ZCWPW2: variants seen among roughly 807,000 people sequenced by gnomAD.
ZCWPW2 encodes the protein zinc finger CW-type and PWWP domain containing 2.
ZCWPW2 carries 45 observed loss-of-function variants against 46.6 expected under a neutral mutation model. The ratio of observed to expected loss-of-function variants is 0.96; its 90% CI spans 0.76 to 1.24. ZCWPW2 has a LOEUF of 1.24. Among genes scored for constraint, ZCWPW2 ranks in the 50% most tolerant of loss-of-function variants. The pLI is 0.00. For synonymous variants in ZCWPW2, 152 were observed against 137.1 expected (o/e 1.11, Z -0.76); for missense variants, 429 against 403.9 (o/e 1.06, Z -0.53).
intron 8 of ZCWPW2, among the ~76,000 whole-genome samples, chr3:28,518,051 T>G (rs138626381): frequency 0.028 from 4,159 of 149,980 alleles, 183 homozygotes; most frequent in African/African-American, 0.094. Context: ...CAGGAGAATT[T>G]CTTGAACCTG....
intron 3 of ZCWPW2, among the ~76,000 whole-genome samples, chr3:28,419,831 A>T (rs1447505830): frequency 1.5e-4 from 14 of 92,908 alleles, no homozygotes; most frequent in African/African-American, 5.2e-4. Flanking sequence ...AGGACAAAAA[A>T]CCAAACACCG....
chr3:28,393,813 A>G (rs1461782899), intron 2 of ZCWPW2, among the ~76,000 whole-genome samples: 2 of 152,132 alleles, frequency 1.3e-5, no homozygotes, highest in East Asian at 1.9e-4. Flanking sequence ...TGTGTATCAC[A>G]GTTGTATGGC....
chr3:28,470,141 A>C (rs912746653), intron 4 of ZCWPW2, among the ~76,000 whole-genome samples: 2 of 152,234 alleles, frequency 1.3e-5, no homozygotes, highest in African/African-American at 4.8e-5. Context: ...GAAACTATAT[A>C]AACACATGGA....
At chr3:28,508,324 A>G (rs1412014293) in intron 6 of ZCWPW2, among the ~76,000 whole-genome samples, 19 of 152,172 alleles carry the variant, frequency 1.2e-4, no homozygotes, top group Admixed American at 1.2e-3. Flanking sequence ...TTTAGATAAT[A>G]GACAGGTCAA....
chr3:28,523,652 A>G, intron 9 of ZCWPW2, among the ~76,000 whole-genome samples: 1 of 152,150 alleles, frequency 6.6e-6, no homozygotes. Context: ...CAATTGGATT[A>G]TCTCAGGCAT....
chr3:28,445,187 A>G (rs1467759643), intron 4 of ZCWPW2, among the ~76,000 whole-genome samples: 1 of 150,054 alleles, frequency 6.7e-6, no homozygotes, highest in Non-Finnish European at 1.5e-5. Context: ...CCTATCATAT[A>G]TATATATATA....
intron 6 of ZCWPW2, among the ~76,000 whole-genome samples, chr3:28,506,600 G>T (rs186300427): frequency 8.5e-5 from 13 of 152,176 alleles, no homozygotes; most frequent in Non-Finnish European, 1.9e-4. Flanking sequence ...AATGGTCTTT[G>T]CAGATGTAAT....
intron 4 of ZCWPW2, among the ~76,000 whole-genome samples, chr3:28,470,479 C>T (rs747867626): frequency 2.3e-5 from 3 of 131,372 alleles, no homozygotes; most frequent in Non-Finnish European, 3.1e-5. Flanking sequence ...GGTGACAGAG[C>T]GAGACTCCGT....
At chr3:28,352,806 A>G (rs952586396) in intron 1 of ZCWPW2, among the ~76,000 whole-genome samples, 3 of 152,148 alleles carry the variant, frequency 2.0e-5, no homozygotes, top group Non-Finnish European at 4.4e-5. Context: ...AGTAATATTT[A>G]TTTTTGGGTA....
intron 4 of ZCWPW2, among the ~76,000 whole-genome samples, chr3:28,466,130 A>G (rs1416578103): frequency 6.6e-6 from 1 of 152,224 alleles, no homozygotes; most frequent in South Asian, 2.1e-4. Context: ...AACATTGAGT[A>G]CACATGGACA....
chr3:28,369,190 C>T (rs1422622548), intron 1 of ZCWPW2, among the ~76,000 whole-genome samples: 3 of 152,308 alleles, frequency 2.0e-5, no homozygotes, highest in South Asian at 2.1e-4. Context: ...AGCGTTGTTC[C>T]GTTGCTGGTG....
rs35463839 is a variant in ZCWPW2, at chr3:28,518,135, C to CAAA, written c.784+2533_784+2535dup. ...TGAGTGACAGAGTGAGACTCCGTCT[C>CAAA]AAAAAAAAAAAAAAAAAAAAATCTA... On this transcript the variant is annotated intron_variant, in intron 8 of 9. Transcript: ENST00000383768. 4.3e-3 allele frequency among the ~76,000 whole-genome samples: 324 copies of CAAA among 75,758 alleles called. 14 individuals are homozygous for CAAA. The highest frequency in any genetic ancestry group is 0.015 in the African/African-American group (287 of 18,998). The allele number at this position is 75,758 out of a possible 152,430, so 49.7% of individuals were successfully genotyped here. A position where few individuals can be genotyped will look rare whatever the true frequency, so the allele number is the denominator to read the frequency against.
intron 2 of ZCWPW2, among the ~76,000 whole-genome samples, chr3:28,395,956 G>A (rs1695680619): frequency 6.6e-6 from 1 of 152,070 alleles, no homozygotes; most frequent in South Asian, 2.1e-4. Flanking sequence ...ATTGTGGTAA[G>A]TATTTTGCAA....
intron 6 of ZCWPW2, among the ~76,000 whole-genome samples, chr3:28,510,356 C>T (rs1700393629): frequency 6.6e-6 from 1 of 152,124 alleles, no homozygotes; most frequent in Non-Finnish European, 1.5e-5. Context: ...GGAATAACGT[C>T]GCAGTGACAG....
At chr3:28,450,038 T>C (rs1006293313) in intron 4 of ZCWPW2, among the ~76,000 whole-genome samples, 1 of 152,300 alleles carries the variant, frequency 6.6e-6, no homozygotes. Flanking sequence ...TGAGCCTCAC[T>C]CTACTGGATC....
chr3:28,406,114 T>C (rs1252289163), intron 2 of ZCWPW2, among the ~76,000 whole-genome samples: 10 of 152,204 alleles, frequency 6.6e-5, no homozygotes, highest in Non-Finnish European at 1.5e-4. Flanking sequence ...GTGGCTTGGC[T>C]CTTCTTGACT....
chr3:28,371,984 C>T (rs766720833), intron 1 of ZCWPW2, among the ~76,000 whole-genome samples: 2 of 151,644 alleles, frequency 1.3e-5, no homozygotes, highest in Non-Finnish European at 2.9e-5. Flanking sequence ...CCTCCTCCTC[C>T]TCCTCCTGCT....
intron 3 of ZCWPW2, among the ~76,000 whole-genome samples, chr3:28,428,967 A>G (rs1234313533): frequency 2.0e-5 from 3 of 152,206 alleles, no homozygotes; most frequent in Admixed American, 6.5e-5. Flanking sequence ...GTATTTCTTC[A>G]TAGCAGCATG....
At chr3:28,368,814 G>T (rs1164048777) in intron 1 of ZCWPW2, among the ~76,000 whole-genome samples, 1 of 152,098 alleles carries the variant, frequency 6.6e-6, no homozygotes, top group Non-Finnish European at 1.5e-5. Context: ...TGTAGATTTG[G>T]TCTTTTCACA....
Sources: gnomAD v4.1 joint callset for allele counts (sites outside exome capture counted in the v4.1 genomes callset) on GRCh38, gnomAD v4.1.1 for gene constraint, MANE v1.5 for transcripts, NCBI Gene and HGNC (gene_info 2026-07-23, HGNC 2026-07-21) for gene names.